Variants in RYR3 observed in about 807,000 individuals in gnomAD.
RYR3 encodes the protein brain ryanodine receptor-calcium release channel.
RYR3 carries 207 observed loss-of-function variants against 584.3 expected under a neutral mutation model. The ratio of observed to expected loss-of-function variants is 0.35; its 90% CI spans 0.32 to 0.40. The LOEUF is 0.40. Among genes scored for constraint, RYR3 ranks in the 10% least tolerant of loss-of-function variants. The pLI is 1.00. For missense variants in RYR3, 5,616 were observed against 6,089.2 expected (o/e 0.92, Z 2.59); for synonymous variants, 2,416 against 2,248.5 (o/e 1.07, Z -2.11).
chr15:33,751,124 C>T (rs2071257963), intron 57 of RYR3, among the ~76,000 whole-genome samples: 2 of 152,124 alleles, frequency 1.3e-5, no homozygotes, highest in South Asian at 4.1e-4. Context: ...TTTCTTAATC[C>T]AGTCTATCAT....
chr15:33,437,117 AGTGTGTGTGTGTGT>A (rs71415518), intron 1 of RYR3, among the ~76,000 whole-genome samples: 49,446 of 149,452 alleles, frequency 0.33, 8,187 homozygotes, highest in Middle Eastern at 0.43. Flanking sequence ...AGAGAGATAG[AGTGTGTGTGTGTGT>A]GTGTGTGTGT....
At chr15:33,811,553 A>ATGTTTGTT (rs57062262) in intron 72 of RYR3, among the ~76,000 whole-genome samples, 4,398 of 150,336 alleles carry the variant, frequency 0.029, 79 homozygotes, top group Non-Finnish European at 0.034. Context: ...CCCTTAATGT[A>ATGTTTGTT]TGTTTGTTTG....
chr15:33,455,315 C>A (rs2047457020), intron 1 of RYR3, among the ~76,000 whole-genome samples: 1 of 140,122 alleles, frequency 7.1e-6, no homozygotes, highest in Non-Finnish European at 1.5e-5. Context: ...AACATAGGGT[C>A]TAGAGGTCAG....
chr15:33,677,821 A>G (rs890931306), intron 38 of RYR3, among the ~76,000 whole-genome samples: 1 of 152,174 alleles, frequency 6.6e-6, no homozygotes, highest in African/African-American at 2.4e-5. Flanking sequence ...CACACCTGTC[A>G]CGAGCCTATC....
chr15:33,462,004 C>T (rs1162274143), intron 1 of RYR3, among the ~76,000 whole-genome samples: 1 of 151,992 alleles, frequency 6.6e-6, no homozygotes, highest in African/African-American at 2.4e-5. Flanking sequence ...GAAAAAAAAC[C>T]GTAGTTTTAT....
At chr15:33,738,281 A>C (rs1363223426) in intron 49 of RYR3, among the ~76,000 whole-genome samples, 169 bp from the exon 50 acceptor site, 1 of 152,178 alleles carries the variant, frequency 6.6e-6, no homozygotes. Flanking sequence ...GCTTGAGAGC[A>C]GACTGTTCCC....
chr15:33,652,743 G>A lies in RYR3; in HGVS notation c.4168G>A (p.Val1390Ile), dbSNP rs138445751. ...TGTGAAACGCAGCAACTGCTACATGGTCTGGGGTGGAGACATTGTAGCCAG... is the reference window on the plus strand; with the variant it reads ...TGTGAAACGCAGCAACTGCTACATGATCTGGGGTGGAGACATTGTAGCCAG... ...ESVKRSNCYM[V>I]WGGDIVASSQ... Residue 1390 changes from valine to isoleucine, a missense_variant, in exon 32 of 104, where the codon GTC becomes ATC. Coordinates refer to ENST00000634891, the MANE Select transcript of RYR3 (RefSeq NM_001036.6). The A allele has an allele frequency of 1.9e-5, 31 of 1,613,690 alleles. No individual in the cohort carries two copies. In the African/African-American group the frequency reaches 3.1e-4, roughly 16 times the overall value.
At chr15:33,524,045 C>G (rs950846286) in intron 3 of RYR3, among the ~76,000 whole-genome samples, 1 of 152,120 alleles carries the variant, frequency 6.6e-6, no homozygotes, top group Non-Finnish European at 1.5e-5. Context: ...ACTGAAGGTA[C>G]AGGGAATAGG....
At chr15:33,581,763 G>T in intron 14 of RYR3, 120 bp downstream of exon 14, 1 of 858,520 alleles carries the variant, frequency 1.2e-6, no homozygotes, top group Non-Finnish European at 1.9e-6. Flanking sequence ...TCATTCCTTA[G>T]AAGTCTTTTG....
At chr15:33,510,025 C>A (rs777946896) in intron 3 of RYR3, among the ~76,000 whole-genome samples, 2 of 152,162 alleles carry the variant, frequency 1.3e-5, no homozygotes, top group Non-Finnish European at 2.9e-5. Context: ...ACACCTGCTG[C>A]AAAAATAATG....
intron 1 of RYR3, among the ~76,000 whole-genome samples, chr15:33,389,937 C>T (rs1304302640): frequency 6.6e-6 from 1 of 152,154 alleles, no homozygotes; most frequent in Non-Finnish European, 1.5e-5. Flanking sequence ...TATAAATATG[C>T]TACCTTGCCA....
At chr15:33,325,027 G>A (rs959281158) in intron 1 of RYR3, among the ~76,000 whole-genome samples, 3 of 152,166 alleles carry the variant, frequency 2.0e-5, no homozygotes, top group Admixed American at 2.0e-4. Context: ...TCTAAAAATG[G>A]AAAATAGATA....
At position 33,411,351 on chromosome 15, in the gene RYR3, T is replaced by C. The variant is rs28391284; in HGVS notation, c.52-62068T>C. On this transcript the variant is annotated intron_variant, in intron 1 of 103. Coordinates refer to ENST00000634891, the MANE Select transcript of RYR3 (RefSeq NM_001036.6). Reference sequence around the variant, plus strand: ...TAGGGCATTAAGTAACACAGGCAGCTGTGCAGCCTGCCTTTAAGAAGTCTG... The same window carrying C: ...TAGGGCATTAAGTAACACAGGCAGCCGTGCAGCCTGCCTTTAAGAAGTCTG... Among the ~76,000 whole-genome samples, 770 of 152,350 alleles carry C rather than the reference T, an allele frequency of 5.1e-3. 7 individuals are homozygous for C. The highest frequency in any genetic ancestry group is 0.03 in the South Asian group (146 of 4,824).
At chr15:33,729,464 G>C (rs2068756593) in intron 47 of RYR3, among the ~76,000 whole-genome samples, 1 of 152,124 alleles carries the variant, frequency 6.6e-6, no homozygotes, top group African/African-American at 2.4e-5. Flanking sequence ...AAAAAGGCTG[G>C]CTGGCAACAT....
At chr15:33,512,821 A>C (rs1047852670) in intron 3 of RYR3, among the ~76,000 whole-genome samples, 4 of 152,204 alleles carry the variant, frequency 2.6e-5, no homozygotes, top group African/African-American at 9.7e-5. Context: ...AAACATCTTC[A>C]TGAAAGTTTC....
chr15:33,864,754 T>C (rs1889875276), intron 103 of RYR3: 1 of 197,656 alleles, frequency 5.1e-6, no homozygotes, highest in African/African-American at 2.3e-5. Context: ...ATGGGAGAGG[T>C]ACCTGGTTTC....
intron 16 of RYR3, among the ~76,000 whole-genome samples, chr15:33,599,413 A>G (rs1230554251): frequency 1.3e-5 from 2 of 152,164 alleles, no homozygotes; most frequent in Non-Finnish European, 2.9e-5. Context: ...GGTTTTAGAC[A>G]TTTAGGGAGA....
At chr15:33,841,824 C>G (rs2078386163) in intron 90 of RYR3, 40 bp from the exon 91 acceptor site, 1 of 1,558,702 alleles carries the variant, frequency 6.4e-7, no homozygotes. Context: ...CCAGACCGCC[C>G]TCCCGTCTGC....
chr15:33,819,899 C>T (rs917307967), intron 77 of RYR3, 92 bp downstream of exon 77: 3 of 950,078 alleles, frequency 3.2e-6, no homozygotes, highest in African/African-American at 3.3e-5. Context: ...GAATAGCAGG[C>T]CTGGGACTTT....
Sources: allele counts gnomAD v4.1 joint callset (sites outside exome capture counted in the v4.1 genomes callset), GRCh38; gene constraint gnomAD v4.1.1; transcripts MANE v1.5; gene names NCBI Gene and HGNC (gene_info 2026-07-23, HGNC 2026-07-21).